The following SYN2 variants were observed in gnomAD, a reference collection of about 807,000 sequenced individuals.
SYN2 encodes synapsin-2.
In SYN2, 19 loss-of-function variants were observed where a neutral mutation model predicts 50.9. The ratio of observed to expected loss-of-function variants is 0.37; its 90% CI spans 0.26 to 0.55. The LOEUF is 0.55. Ranked by LOEUF, SYN2 falls within the 20% of genes least tolerant of loss-of-function variation. The probability of loss-of-function intolerance (pLI) is 0.81; values close to 1 mark genes in which losing one functional copy is unlikely to be tolerated. For missense variants in SYN2, 587 were observed against 576.4 expected (o/e 1.02, Z -0.19); for synonymous variants, 255 against 224.9 (o/e 1.13, Z -1.20).
At chr3:12,158,736 C>T (rs775024177) in intron 5 of SYN2, 10 of 1,609,146 alleles carry the variant, frequency 6.2e-6, no homozygotes, top group East Asian at 2.2e-5. Context: ...GCTGAGGGTG[C>T]GCCGGGGCGC....
chr3:12,133,010 G>A (rs750070467), intron 1 of SYN2, among the ~76,000 whole-genome samples: 4 of 152,070 alleles, frequency 2.6e-5, no homozygotes, highest in Non-Finnish European at 5.9e-5. Context: ...TTCTGCCCAC[G>A]TCCACATCTT....
At chr3:12,143,772 T>C (rs926028790) in intron 3 of SYN2, among the ~76,000 whole-genome samples, 4 of 152,244 alleles carry the variant, frequency 2.6e-5, no homozygotes, top group Non-Finnish European at 4.4e-5. Flanking sequence ...TCTTTTAATA[T>C]GATGATTTAT....
At chr3:12,187,225 T>A in intron 11 of SYN2, 144 bp from the exon 12 acceptor site, 1 of 1,206,362 alleles carries the variant, frequency 8.3e-7, no homozygotes, top group Non-Finnish European at 1.1e-6. Flanking sequence ...AGGACCCCCT[T>A]TAGGGCCCTT....
chr3:12,052,241 A>G lies in SYN2; in HGVS notation c.377+47313A>G, dbSNP rs190778376. Among the ~76,000 whole-genome samples the G allele has an allele frequency of 2.6e-5, 4 of 152,316 alleles. No homozygotes were observed. In the East Asian group the frequency reaches 7.7e-4, roughly 29 times the overall value. The stretch of plus-strand genomic sequence containing the variant: ...TAAAGTATTATTCAGATTTTGCAGA[A>G]GAGAAACTAGAATTTTAAAGAGGTT... On this transcript the variant is annotated intron_variant, in intron 1 of 12. Transcript: ENST00000621198.
intron 1 of SYN2, among the ~76,000 whole-genome samples, chr3:12,123,103 G>A (rs995344651): frequency 6.6e-6 from 1 of 152,170 alleles, no homozygotes; most frequent in African/African-American, 2.4e-5. Context: ...AAGAGACATG[G>A]AGGATACAAT....
At chr3:12,074,243 A>G (rs560418595) in intron 1 of SYN2, among the ~76,000 whole-genome samples, 1 of 152,226 alleles carries the variant, frequency 6.6e-6, no homozygotes, top group East Asian at 1.9e-4. Flanking sequence ...TCTCTTGCAA[A>G]ACAGCCTATA....
intron 4 of SYN2, 81 bp downstream of exon 4, chr3:12,145,916 T>A (rs1463327834): frequency 7.6e-6 from 12 of 1,576,934 alleles, no homozygotes. Context: ...GGACTCAAGA[T>A]GCAGTAGGCC....
intron 1 of SYN2, among the ~76,000 whole-genome samples, chr3:12,119,057 C>A (rs771624623): frequency 6.6e-6 from 1 of 152,102 alleles, no homozygotes; most frequent in Non-Finnish European, 1.5e-5. Context: ...GAAAGTGCAG[C>A]CTTTCACAAA....
chr3:12,012,421 T>C (rs1247413408), intron 1 of SYN2, among the ~76,000 whole-genome samples: 2 of 152,218 alleles, frequency 1.3e-5, no homozygotes, highest in Non-Finnish European at 2.9e-5. Context: ...TTTCAGAATA[T>C]TTTTAAGCAA....
intron 4 of SYN2, among the ~76,000 whole-genome samples, chr3:12,150,507 G>C (rs1697256976): frequency 6.6e-6 from 1 of 151,828 alleles, no homozygotes; most frequent in African/African-American, 2.4e-5. Flanking sequence ...GAGCGGGGTG[G>C]GGGAGCCCAG....
At chr3:12,142,573 AATT>A (rs1480356980) in intron 3 of SYN2, among the ~76,000 whole-genome samples, 1 of 152,144 alleles carries the variant, frequency 6.6e-6, no homozygotes, top group African/African-American at 2.4e-5. Context: ...GAAAATTAGC[AATT>A]ATTGAGCACT....
chr3:12,168,035 A>G (rs1375547499), intron 8 of SYN2, among the ~76,000 whole-genome samples: 1 of 152,170 alleles, frequency 6.6e-6, no homozygotes, highest in Non-Finnish European at 1.5e-5. Context: ...CTAAGCAGCA[A>G]GTGGTCAAGA....
At chr3:12,109,130 C>T (rs1696262447) in intron 1 of SYN2, among the ~76,000 whole-genome samples, 1 of 152,018 alleles carries the variant, frequency 6.6e-6, no homozygotes, top group African/African-American at 2.4e-5. Flanking sequence ...AGGGTGGACT[C>T]AAGATAGGAA....
At chr3:12,158,816 G>A (rs1296103860) in intron 5 of SYN2, 7 of 1,597,338 alleles carry the variant, frequency 4.4e-6, no homozygotes, top group Non-Finnish European at 6.0e-6. Context: ...ACCCAGCTTG[G>A]CGCGGGCCGA....
intron 1 of SYN2, among the ~76,000 whole-genome samples, chr3:12,121,054 C>T (rs1022537750): frequency 6.6e-6 from 1 of 152,192 alleles, no homozygotes; most frequent in South Asian, 2.1e-4. Flanking sequence ...GTGTTTCTCA[C>T]TTTCATGCCT....
intron 10 of SYN2, among the ~76,000 whole-genome samples, chr3:12,173,264 T>C (rs1697977798): frequency 6.6e-6 from 1 of 152,208 alleles, no homozygotes; most frequent in Non-Finnish European, 1.5e-5. Context: ...CCATTTCTTC[T>C]AGATAATAGC....
At chr3:12,155,381 G>T (rs575945890) in intron 5 of SYN2, among the ~76,000 whole-genome samples, 1 of 152,322 alleles carries the variant, frequency 6.6e-6, no homozygotes, top group South Asian at 2.1e-4. Context: ...GGGCAAAGAA[G>T]GTGTCTCAGA....
Position 12,077,290 on chromosome 3 carries a change from A to AT in SYN2, c.378-63354dup, listed in dbSNP as rs1440040542. 1.8e-4 allele frequency among the ~76,000 whole-genome samples: 28 copies of AT among 151,664 alleles called. No individual in the cohort carries two copies. The East Asian group carries it at 2.7e-3, about 15-fold the overall frequency. ...AGATTTTAATCAAACCTTGCATAGA[A>AT]TTTTTTTCCTTTTTTTTTAAAAAAA... On this transcript the variant is annotated intron_variant, in intron 1 of 12. Coordinates refer to ENST00000621198, the MANE Select transcript of SYN2 (RefSeq NM_133625.6).
intron 12 of SYN2, among the ~76,000 whole-genome samples, chr3:12,188,958 G>A (rs569359136): frequency 2.8e-4 from 43 of 152,354 alleles, no homozygotes; most frequent in South Asian, 1.9e-3. Context: ...AGAAGCTGGA[G>A]GCTCATCCCC....
Sources: allele counts gnomAD v4.1 joint callset (sites outside exome capture counted in the v4.1 genomes callset), GRCh38; gene constraint gnomAD v4.1.1; transcripts MANE v1.5; gene names NCBI Gene and HGNC (gene_info 2026-07-23, HGNC 2026-07-21).